Variants in UCK2 observed in about 807,000 individuals in gnomAD.
The protein encoded by UCK2 is cytidine monophosphokinase 2.
In UCK2, 6 loss-of-function variants were observed where a neutral mutation model predicts 30.8. The ratio of observed to expected loss-of-function variants is 0.19; its 90% confidence interval spans 0.11 to 0.38. The LOEUF is 0.38. Among genes scored for constraint, UCK2 ranks in the 10% least tolerant of loss-of-function variants. The probability of loss-of-function intolerance (pLI) is 1.00; values close to 1 mark genes in which losing one functional copy is unlikely to be tolerated. For missense variants in UCK2, 210 were observed against 339.8 expected, an observed-to-expected ratio of 0.62 and a Z score of 3.00; for synonymous variants, 125 against 133.6, an observed-to-expected ratio of 0.94 and a Z score of 0.45.
At chr1:165,856,859 T>G (rs1420059547) in intron 1 of UCK2, among the ~76,000 whole-genome samples, 1 of 151,796 alleles carries the variant, frequency 6.6e-6, no homozygotes, top group Non-Finnish European at 1.5e-5. Flanking sequence ...GCCTGAGAAT[T>G]AAGGATATGT....
At chr1:165,834,139 T>A (rs1372141002) in intron 1 of UCK2, among the ~76,000 whole-genome samples, 6 of 152,210 alleles carry the variant, frequency 3.9e-5, no homozygotes, top group African/African-American at 1.4e-4. Flanking sequence ...TTAGTTTTGG[T>A]GGTCATTCAA....
At chr1:165,893,307 C>T (rs993208753) in intron 3 of UCK2, among the ~76,000 whole-genome samples, 7 of 152,184 alleles carry the variant, frequency 4.6e-5, no homozygotes, top group Admixed American at 1.3e-4. Context: ...ACATGTTTCA[C>T]GTTTCCTCCT....
chr1:165,846,916 C>T (rs1442539124), intron 1 of UCK2, among the ~76,000 whole-genome samples: 3 of 152,066 alleles, frequency 2.0e-5, no homozygotes, highest in Non-Finnish European at 2.9e-5. Context: ...TATGCGGGGG[C>T]ACCTGTTCAT....
At position 165,830,250 on chromosome 1, in the gene UCK2, C is replaced by T. The variant is rs573994408; in HGVS notation, c.99+2318C>T. ...AATGCCTAGACTTAAGTGATCCGCCCGCCTCTGCCTCCCAAAGTGCTGGGA... is the reference window on the plus strand; with the variant it reads ...AATGCCTAGACTTAAGTGATCCGCCTGCCTCTGCCTCCCAAAGTGCTGGGA... On this transcript the variant is annotated intron_variant, in intron 1 of 6. Transcript: ENST00000367879. Among the ~76,000 whole-genome samples the T allele has an allele frequency of 2.6e-5, 4 of 152,140 alleles. No homozygotes were observed. The South Asian group carries it at 8.3e-4, about 32-fold the overall frequency.
At chr1:165,892,859 G>A (rs140949597) in intron 3 of UCK2, 1 of 152,758 alleles carries the variant, frequency 6.5e-6, no homozygotes, top group East Asian at 1.9e-4. Flanking sequence ...GTGCTGGGTA[G>A]GGAAGCATTT....
chr1:165,841,945 A>G (rs1413278837), intron 1 of UCK2, among the ~76,000 whole-genome samples: 6 of 152,232 alleles, frequency 3.9e-5, no homozygotes, highest in Non-Finnish European at 7.3e-5. Flanking sequence ...AATACCAAGT[A>G]AATGCTACAG....
chr1:165,896,326 C>A lies in UCK2; in HGVS notation c.493C>A (p.Arg165Ser). The change falls in exon 4 of 7, where the codon CGC becomes AGC. Residue 165 changes from arginine (R) to serine (S), a missense_variant. This residue lies in a region of UCK2 where 47 missense variants were observed against 128.7 expected (regional missense o/e 0.37). Coordinates refer to ENST00000367879, the MANE Select transcript of UCK2 (RefSeq NM_012474.5). ...VDTDADTRLS[R>S]RVLRDISERG... is the part of the protein sequence containing the mutation. ...TACAGATGCGGACACCCGGCTCTCA[C>A]GCAGAGGTGCGTTCTAAAAGCCTCA... 6.2e-7 allele frequency: 1 copy of A among 1,614,052 alleles called. No individual in the cohort carries two copies. Among genetic ancestry groups the A allele is most frequent in the Non-Finnish European group, 8.5e-7 (1 of 1,180,020 alleles).
intron 1 of UCK2, among the ~76,000 whole-genome samples, chr1:165,887,294 A>C (rs555781653): frequency 6.6e-6 from 1 of 152,204 alleles, no homozygotes; most frequent in Non-Finnish European, 1.5e-5. Flanking sequence ...ACAATTAGTC[A>C]TACTGTATCA....
chr1:165,865,680 C>T (rs999510307), intron 1 of UCK2, among the ~76,000 whole-genome samples: 12 of 152,062 alleles, frequency 7.9e-5, no homozygotes, highest in African/African-American at 1.9e-4. Flanking sequence ...CAAACAAAGC[C>T]GGTACCTTGA....
chr1:165,872,442 GT>G (rs1655220865), intron 1 of UCK2, among the ~76,000 whole-genome samples: 1 of 152,096 alleles, frequency 6.6e-6, no homozygotes. Flanking sequence ...CAGACCAAAG[GT>G]TAAATATCAT....
intron 3 of UCK2, among the ~76,000 whole-genome samples, chr1:165,893,994 A>G (rs1199357664): frequency 6.6e-6 from 1 of 152,210 alleles, no homozygotes; most frequent in African/African-American, 2.4e-5. Flanking sequence ...AAATGCTCCA[A>G]AATCTGAAAC....
chr1:165,866,322 A>G (rs1338815888), intron 1 of UCK2, among the ~76,000 whole-genome samples: 1 of 152,132 alleles, frequency 6.6e-6, no homozygotes, highest in African/African-American at 2.4e-5. Flanking sequence ...TTCAGATGCT[A>G]CTTTTCACCA....
intron 1 of UCK2, among the ~76,000 whole-genome samples, chr1:165,884,245 C>T (rs1655566248): frequency 6.6e-6 from 1 of 152,192 alleles, no homozygotes; most frequent in African/African-American, 2.4e-5. Context: ...ATGTTGTTTC[C>T]CGTCCTGAAA....
chr1:165,853,936 A>G (rs1476271698), intron 1 of UCK2, among the ~76,000 whole-genome samples: 1 of 152,224 alleles, frequency 6.6e-6, no homozygotes, highest in African/African-American at 2.4e-5. Context: ...GCTAGAATAT[A>G]AAGACCTCAT....
chr1:165,839,307 A>G (rs1454648437), intron 1 of UCK2, among the ~76,000 whole-genome samples: 2 of 152,208 alleles, frequency 1.3e-5, no homozygotes, highest in Non-Finnish European at 2.9e-5. Context: ...GAGGTAGTGA[A>G]TACTCTTCAG....
intron 5 of UCK2, among the ~76,000 whole-genome samples, chr1:165,904,950 T>A (rs1447371266): frequency 1.3e-5 from 2 of 152,216 alleles, no homozygotes; most frequent in Non-Finnish European, 2.9e-5. Flanking sequence ...AATTGGGTAA[T>A]AATAGAACCT....
At chr1:165,837,734 G>T (rs1336811114) in intron 1 of UCK2, among the ~76,000 whole-genome samples, 1 of 152,186 alleles carries the variant, frequency 6.6e-6, no homozygotes, top group East Asian at 1.9e-4. Flanking sequence ...AAACGGGAAG[G>T]ATGAGGAGGT....
In UCK2 at chr1:165,837,639, G is replaced by GT. The variant is rs551530036; in HGVS notation, c.99+9710dup. On this transcript the variant is annotated intron_variant, in intron 1 of 6. Coordinates refer to ENST00000367879, the MANE Select transcript of UCK2 (RefSeq NM_012474.5). ...CCCTTGCCCTGTGTGGTCCTTGCTT[G>GT]TTTAGTCTATCTTCTCTAGACTGAG... is the stretch of plus-strand genomic sequence containing the variant. Among the ~76,000 whole-genome samples, 20 of 152,266 alleles carry GT rather than the reference G, an allele frequency of 1.3e-4. No homozygotes were observed. In the East Asian group the frequency reaches 3.7e-3, roughly 28 times the overall value.
chr1:165,862,474 GT>G (rs1389486189), intron 1 of UCK2, among the ~76,000 whole-genome samples: 2 of 152,214 alleles, frequency 1.3e-5, no homozygotes, highest in Non-Finnish European at 2.9e-5. Context: ...GATTAGCAGT[GT>G]TTCACAGCCC....
Sources: gnomAD v4.1 joint callset for allele counts (sites outside exome capture counted in the v4.1 genomes callset) on GRCh38, gnomAD v4.1.1 for gene constraint, gnomAD v4.1.1 regional missense constraint, MANE v1.5 for transcripts, NCBI Gene and HGNC (gene_info 2026-07-23, HGNC 2026-07-21) for gene names.